Variants in DNTTIP2 observed in about 807,000 individuals in gnomAD.
DNTTIP2 encodes the protein deoxynucleotidyltransferase terminal interacting protein 2, also known as deoxynucleotidyltransferase terminal-interacting protein 2.
A neutral mutation model predicts 62.4 loss-of-function variants in DNTTIP2; 47 were observed. That is an observed-to-expected ratio of 0.75 (90% CI 0.60 to 0.96). DNTTIP2 has a LOEUF of 0.96. Among genes scored for constraint, DNTTIP2 ranks in the 40% least tolerant of loss-of-function variants. DNTTIP2 has a pLI of 0.00. For synonymous variants in DNTTIP2, 322 were observed against 300.9 expected, an observed-to-expected ratio of 1.07 and a Z score of -0.73; for missense variants, 870 against 849.1, an observed-to-expected ratio of 1.02 and a Z score of -0.31.
chr1:93,872,347 T>C, intron 4 of DNTTIP2, 111 bp from the exon 5 acceptor site: 1 of 1,085,676 alleles, frequency 9.2e-7, no homozygotes, highest in Non-Finnish European at 1.3e-6. Context: ...AAACAAATGG[T>C]TACTTTATTG....
intron 3 of DNTTIP2, among the ~76,000 whole-genome samples, chr1:93,875,048 T>C (rs1342408396): frequency 6.6e-6 from 1 of 152,150 alleles, no homozygotes; most frequent in Non-Finnish European, 1.5e-5. Flanking sequence ...GGATTCCTGG[T>C]TCAGGCAGGG....
In DNTTIP2 at chr1:93,872,217, GC is replaced by G. The variant is rs1655879753; in HGVS notation, c.1921del (p.Ala641GlnfsTer8). The G allele has an allele frequency of 6.2e-7, 1 of 1,612,934 alleles. No individual in the cohort carries two copies. The highest frequency in any genetic ancestry group is 1.3e-5 in the African/African-American group (1 of 74,864). ...KKRRKERQKT[A>X]GDGWFGMKAP... is the part of the protein sequence containing the mutation. ...TTTCATACCAAACCAGCCATCCCCT[GC>G]TGTTTTTTGTCGTTCTTTCTGAAAT... On this transcript the variant is annotated frameshift_variant, in exon 5 of 7. Transcript: ENST00000436063. LOFTEE classifies it high-confidence loss of function.
Position 93,879,119 on chromosome 1 carries a change from C to G in DNTTIP2, c.30G>C (p.Lys10Asn). Residue 10 changes from lysine (K) to asparagine (N), a missense_variant, in exon 1 of 7, where the codon AAG (lysine) becomes AAC (asparagine). Transcript: ENST00000436063. MVVTRSARA[K>N]ASIQAASAES... ...CAGCCGACGCGGCTTGGATGCTGGC[C>G]TTAGCCCGTGCAGATCTGGTAACCA... 1 of 1,613,710 alleles carries G rather than the reference C, an allele frequency of 6.2e-7. No homozygotes were observed. The highest frequency in any genetic ancestry group is 8.5e-7 in the Non-Finnish European group (1 of 1,179,880).
chr1:93,876,452 G>T lies in DNTTIP2; in HGVS notation c.1483C>A (p.Pro495Thr). 1 of 1,613,698 alleles carries T rather than the reference G, an allele frequency of 6.2e-7. No homozygotes were observed. The highest frequency in any genetic ancestry group is 8.5e-7 in the Non-Finnish European group (1 of 1,179,842). The stretch of plus-strand genomic sequence containing the variant: ...AAATTTTTATCAGCACTCATTCCAG[G>T]AGTTGTGTCAATTACAAACAATGCA... ...DNALFVIDTT[P>T]GMSADKNFYL... is the part of the protein sequence containing the mutation. The change falls in exon 2 of 7, where the codon CCT becomes ACT. Residue 495 changes from proline to threonine, a missense_variant. Coordinates refer to ENST00000436063, the MANE Select transcript of DNTTIP2 (RefSeq NM_014597.5).
rs986281008 is a variant in DNTTIP2, at chr1:93,868,750, G to C, written c.*1101C>G. On this transcript the variant is annotated 3_prime_UTR_variant, in exon 7 of 7. Coordinates refer to ENST00000436063, the MANE Select transcript of DNTTIP2 (RefSeq NM_014597.5). ...CAGCAAGAACAGAAAACTAACACAA[G>C]AACAGAAAACCAAACACTGCATGTT... The C allele has an allele frequency of 2.0e-5, 3 of 152,068 alleles. No homozygotes were observed. Among genetic ancestry groups the C allele is most frequent in the African/African-American group, 7.2e-5 (3 of 41,408 alleles). 9.4% of individuals were successfully genotyped at this position (152,068 alleles called of 1,614,324 possible). A position where few individuals can be genotyped will look rare whatever the true frequency, so the allele number is the denominator to read the frequency against.
At position 93,875,881 on chromosome 1, in the gene DNTTIP2, G is replaced by A. The variant is rs946476048; in HGVS notation, c.1668-98C>T. On this transcript the variant is annotated intron_variant, in intron 2 of 6. Coordinates refer to ENST00000436063, the MANE Select transcript of DNTTIP2 (RefSeq NM_014597.5). ...AAATCACTTATTCTTCTCTTCCCTT[G>A]TATTGTCCACAATAAAGAAAAAAAA... 6 of 1,245,976 alleles carry A rather than the reference G, an allele frequency of 4.8e-6. No individual in the cohort carries two copies. In the East Asian group the frequency reaches 1.1e-4, roughly 22 times the overall value. The allele number at this position is 1,245,976 out of a possible 1,614,324, so 77.2% of individuals were successfully genotyped here.
intron 1 of DNTTIP2, chr1:93,878,777 G>C (rs1656080236): frequency 3.3e-6 from 1 of 304,026 alleles, no homozygotes; most frequent in Non-Finnish European, 6.1e-6. Flanking sequence ...ACCCTCCTTG[G>C]TACCGTGTTA....
chr1:93,877,844 T>A lies in DNTTIP2; in HGVS notation c.91A>T (p.Ile31Phe), dbSNP rs772633717. The A allele has an allele frequency of 4.4e-6, 7 of 1,600,904 alleles. No homozygotes were observed. In the Admixed American group the frequency reaches 1.2e-4, roughly 27 times the overall value. ...SGQKSFAANGIQAHPESSTGS... is the reference protein window; with the variant it reads ...SGQKSFAANGFQAHPESSTGS... ...GTACTACTTTCTGGATGCGCTTGAATCCCATTAGCAGCAAAACTCTGCAAA... is the reference window on the plus strand; with the variant it reads ...GTACTACTTTCTGGATGCGCTTGAAACCCATTAGCAGCAAAACTCTGCAAA... Residue 31 changes from isoleucine (I) to phenylalanine (F), a missense_variant, in exon 2 of 7, where the codon ATT (isoleucine) becomes TTT (phenylalanine). Physicochemically the swap from Ile to Phe is conservative, Grantham distance 21. Transcript: ENST00000436063.
At chr1:93,874,506 A>C (rs17110570) in intron 3 of DNTTIP2, among the ~76,000 whole-genome samples, 4,132 of 152,326 alleles carry the variant, frequency 0.027, 136 homozygotes, top group Admixed American at 0.099. Context: ...GGCAACGATC[A>C]ATTATTTTGC....
At position 93,876,517 on chromosome 1, in the gene DNTTIP2, T is replaced by C; in HGVS notation, c.1418A>G (p.Glu473Gly). 1 of 1,614,000 alleles carries C rather than the reference T, an allele frequency of 6.2e-7. No individual in the cohort carries two copies. Among genetic ancestry groups the C allele is most frequent in the Admixed American group, 1.7e-5 (1 of 60,026 alleles). The change falls in exon 2 of 7, where the codon GAG becomes GGG. Residue 473 changes from glutamate to glycine, a missense_variant. By Grantham distance (98) the Glu-to-Gly change is moderately conservative. Transcript: ENST00000436063. ...ACTTCCTGTGTCTCCACTTAATGAC[T>C]CCCTTTGGCCACTATTTTCAACAAA... ...LCFVENSGQRESLSGDTGSLS... is the reference protein window; with the variant it reads ...LCFVENSGQRGSLSGDTGSLS...
In DNTTIP2 at chr1:93,869,208, CTTAAA is replaced by C. The variant is rs1428783359; in HGVS notation, c.*638_*642del. Reference sequence around the variant, plus strand: ...TTAACTTCGAAGAAACCCTGGCCAACTTAAATTATAGTTTAATCCTGTTTTACTTG... The same window carrying C: ...TTAACTTCGAAGAAACCCTGGCCAACTTATAGTTTAATCCTGTTTTACTTG... On this transcript the variant is annotated 3_prime_UTR_variant, in exon 7 of 7. Coordinates refer to ENST00000436063, the MANE Select transcript of DNTTIP2 (RefSeq NM_014597.5). 3.2e-5 allele frequency: 2 copies of C among 62,038 alleles called. No homozygotes were observed. Among genetic ancestry groups the C allele is most frequent in the Non-Finnish European group, 6.0e-5 (2 of 33,118 alleles). 3.8% of individuals were successfully genotyped at this position (62,038 alleles called of 1,614,324 possible). A position where few individuals can be genotyped will look rare whatever the true frequency, so the allele number is the denominator to read the frequency against.
intron 1 of DNTTIP2, chr1:93,878,528 G>A (rs1461234099): frequency 6.5e-6 from 1 of 154,456 alleles, no homozygotes; most frequent in African/African-American, 2.4e-5. Context: ...CACACTGATG[G>A]AATCAGTCGC....
chr1:93,874,019 T>A (rs1421969083), intron 3 of DNTTIP2, among the ~76,000 whole-genome samples: 1 of 152,210 alleles, frequency 6.6e-6, no homozygotes, highest in East Asian at 1.9e-4. Context: ...ACTCAGAAAT[T>A]AACAGTCAGG....
chr1:93,878,377 T>A (rs768998797), intron 1 of DNTTIP2, among the ~76,000 whole-genome samples: 7 of 152,184 alleles, frequency 4.6e-5, no homozygotes, highest in Non-Finnish European at 8.8e-5. Context: ...AGCCTCATCC[T>A]TCCTAGATGT....
intron 3 of DNTTIP2, chr1:93,873,446 A>G (rs1450931241): frequency 1.1e-5 from 4 of 360,462 alleles, no homozygotes; most frequent in Non-Finnish European, 2.0e-5. Flanking sequence ...AAAAAAAAGA[A>G]AAGAAATTAG....
intron 5 of DNTTIP2, among the ~76,000 whole-genome samples, chr1:93,871,546 G>T (rs1001791780): frequency 5.3e-5 from 8 of 152,304 alleles, no homozygotes; most frequent in African/African-American, 1.9e-4. Flanking sequence ...GTTCTGACAA[G>T]ACTGAGTAGC....
In DNTTIP2 at chr1:93,876,309, A is replaced by T; in HGVS notation, c.1626T>A (p.Phe542Leu). The change falls in exon 2 of 7, where the codon TTT (phenylalanine) becomes TTA (leucine). Residue 542 changes from phenylalanine to leucine, a missense_variant. By Grantham distance (22) the Phe-to-Leu change is conservative (BLOSUM62 0). Coordinates refer to ENST00000436063, the MANE Select transcript of DNTTIP2 (RefSeq NM_014597.5). ...SSDHDENEDE[F>L]SDEEDFLNST... ...TATTTAGGAAGTCTTCTTCATCACT[A>T]AACTCATCTTCATTTTCGTCATGGT... 6.4e-7 allele frequency: 1 copy of T among 1,551,038 alleles called. No homozygotes were observed. Among genetic ancestry groups the T allele is most frequent in the Non-Finnish European group, 8.7e-7 (1 of 1,146,898 alleles).
chr1:93,879,126 C>A lies in DNTTIP2; in HGVS notation c.23G>T (p.Arg8Leu). Residue 8 changes from arginine (R) to leucine (L), a missense_variant, in exon 1 of 7, where the codon CGG (arginine) becomes CTG (leucine). Coordinates refer to ENST00000436063, the MANE Select transcript of DNTTIP2 (RefSeq NM_014597.5). The stretch of plus-strand genomic sequence containing the variant: ...CGCGGCTTGGATGCTGGCCTTAGCC[C>A]GTGCAGATCTGGTAACCACCATCTT... MVVTRSA[R>L]AKASIQAASA... 6.8e-6 allele frequency: 11 copies of A among 1,613,540 alleles called. No individual in the cohort carries two copies. The highest frequency in any genetic ancestry group is 9.3e-6 in the Non-Finnish European group (11 of 1,179,830).
intron 1 of DNTTIP2, 153 bp downstream of exon 1, chr1:93,878,924 G>T: frequency 2.1e-6 from 2 of 943,848 alleles, no homozygotes; most frequent in Non-Finnish European, 3.1e-6. Context: ...TCCGTGACAG[G>T]CTTAGCACGG....
Sources: allele counts gnomAD v4.1 joint callset (sites outside exome capture counted in the v4.1 genomes callset), GRCh38; gene constraint gnomAD v4.1.1; transcripts MANE v1.5; gene names NCBI Gene and HGNC (gene_info 2026-07-23, HGNC 2026-07-21).